The following PCDHA6 variants were observed in gnomAD, a reference collection of about 807,000 sequenced individuals.
The protein encoded by PCDHA6 is protocadherin alpha 6.
Under a neutral mutation model 60.3 loss-of-function variants are expected in PCDHA6, and 55 were observed. That is an observed-to-expected ratio of 0.91 (90% CI 0.73 to 1.14). The LOEUF (loss-of-function observed/expected upper bound fraction) is 1.14, where lower values mean the gene tolerates loss of function less well. PCDHA6 is among the 50% of genes most tolerant of loss of function. The pLI is 0.00. For synonymous variants in PCDHA6, 652 were observed against 557.9 expected, an observed-to-expected ratio of 1.17 and a Z score of -2.38; for missense variants, 1,327 against 1,256.5, an observed-to-expected ratio of 1.06 and a Z score of -0.85.
Position 140,856,846 on chromosome 5 carries a change from T to C in PCDHA6, c.2394+26361T>C. On this transcript the variant is annotated intron_variant, in intron 1 of 3. Coordinates refer to ENST00000529310, the MANE Select transcript of PCDHA6 (RefSeq NM_018909.4). Reference sequence around the variant, plus strand: ...CATTAGTAATACGGCTCAACGCTTCTGATTCGGATGAAGGAATAAACAAGG... The same window carrying C: ...CATTAGTAATACGGCTCAACGCTTCCGATTCGGATGAAGGAATAAACAAGG... 3.8e-6 allele frequency: 6 copies of C among 1,593,220 alleles called. 1 individual carries two copies. Among genetic ancestry groups the C allele is most frequent in the Non-Finnish European group, 5.2e-6 (6 of 1,163,214 alleles).
intron 1 of PCDHA6, among the ~76,000 whole-genome samples, chr5:140,936,995 A>G (rs2091251299): frequency 6.6e-6 from 1 of 151,864 alleles, no homozygotes; most frequent in Non-Finnish European, 1.5e-5. Flanking sequence ...CATTGACAAT[A>G]TTGAGACAGA....
chr5:140,873,995 G>A (rs1218409385), intron 1 of PCDHA6, among the ~76,000 whole-genome samples: 9 of 152,284 alleles, frequency 5.9e-5, no homozygotes, highest in African/African-American at 2.2e-4. Context: ...AGCATGTATG[G>A]TACATTGACC....
chr5:140,832,765 T>C (rs2150203921), intron 1 of PCDHA6, among the ~76,000 whole-genome samples: 1 of 152,268 alleles, frequency 6.6e-6, no homozygotes, highest in East Asian at 1.9e-4. Context: ...GCAAGAATAT[T>C]GTAAGAGGTG....
chr5:140,855,986 G>C (rs191873949), intron 1 of PCDHA6: 4 of 1,477,690 alleles, frequency 2.7e-6, no homozygotes, highest in Middle Eastern at 1.8e-4. Context: ...GACAGAAAAT[G>C]TCAGATCGTA....
intron 3 of PCDHA6, among the ~76,000 whole-genome samples, chr5:141,006,502 C>T (rs987435396): frequency 1.8e-4 from 28 of 152,118 alleles, no homozygotes; most frequent in African/African-American, 2.9e-4. Context: ...TGTGAGCCAC[C>T]GCGCCTGGCT....
At chr5:140,880,737 G>T (rs139077188) in intron 1 of PCDHA6, among the ~76,000 whole-genome samples, 1 of 152,304 alleles carries the variant, frequency 6.6e-6, no homozygotes, top group Non-Finnish European at 1.5e-5. Flanking sequence ...TAGAGAAAAT[G>T]GATTGTCAGT....
intron 1 of PCDHA6, among the ~76,000 whole-genome samples, chr5:140,961,550 CT>C (rs571779587): frequency 6.6e-6 from 1 of 152,032 alleles, no homozygotes; most frequent in Admixed American, 6.6e-5. Context: ...TGCAGCATTT[CT>C]TTTTTTAAAT....
At chr5:140,870,641 G>C in intron 1 of PCDHA6, 1 of 1,612,818 alleles carries the variant, frequency 6.2e-7, no homozygotes, top group South Asian at 1.1e-5. Context: ...CACGCGGAGA[G>C]CGGCAAGGTG....
At chr5:140,997,978 C>T (rs1205743045) in intron 3 of PCDHA6, among the ~76,000 whole-genome samples, 2 of 152,182 alleles carry the variant, frequency 1.3e-5, no homozygotes, top group African/African-American at 2.4e-5. Context: ...TTGGACTGCA[C>T]TTGTTACATA....
intron 1 of PCDHA6, among the ~76,000 whole-genome samples, chr5:140,889,199 T>C (rs1399579598): frequency 1.3e-5 from 2 of 151,896 alleles, no homozygotes; most frequent in African/African-American, 4.8e-5. Context: ...ATAACTTGAA[T>C]ACTTAACAAA....
Position 140,857,539 on chromosome 5 carries a change from G to A in PCDHA6, c.2394+27054G>A, listed in dbSNP as rs782469087. The A allele has an allele frequency of 1.3e-5, 20 of 1,597,384 alleles. 1 individual carries two copies. Among genetic ancestry groups the A allele is most frequent in the Non-Finnish European group, 1.7e-5 (20 of 1,167,720 alleles). ...TGTCCTACTCTCTGGTGGAGCGGCG[G>A]TTGGGCGAGCGCTCGCTGTCGAGCT... On this transcript the variant is annotated intron_variant, in intron 1 of 3. Coordinates refer to ENST00000529310, the MANE Select transcript of PCDHA6 (RefSeq NM_018909.4).
intron 1 of PCDHA6, among the ~76,000 whole-genome samples, chr5:140,972,660 ATTTTTTTT>A (rs11350929): frequency 6.0e-5 from 7 of 117,270 alleles, no homozygotes; most frequent in African/African-American, 2.0e-4. Flanking sequence ...AAGAAACCAA[ATTTTTTTT>A]TTTTTTTTTT....
chr5:140,842,467 C>T (rs1554139064), intron 1 of PCDHA6: 3 of 1,613,802 alleles, frequency 1.9e-6, no homozygotes, highest in East Asian at 2.2e-5. Context: ...CAGGTGCCAA[C>T]GGGCAGGTGA....
At chr5:140,969,293 C>A in intron 1 of PCDHA6, 1 of 1,614,186 alleles carries the variant, frequency 6.2e-7, no homozygotes, top group Non-Finnish European at 8.5e-7. Flanking sequence ...TGCTGGGAAC[C>A]TGATTATTCT....
chr5:140,927,601 G>C lies in PCDHA6; in HGVS notation c.2395-51348G>C, dbSNP rs1490799029. 27 of 1,614,082 alleles carry C rather than the reference G, an allele frequency of 1.7e-5. No individual in the cohort carries two copies. Among genetic ancestry groups the C allele is most frequent in the Non-Finnish European group, 2.3e-5 (27 of 1,180,040 alleles). Reference sequence around the variant, plus strand: ...CAACGCGCCTGTATTTGAGCGCTCCGTATACCGCACCAAGGTTCCAGAGAC... The same window carrying C: ...CAACGCGCCTGTATTTGAGCGCTCCCTATACCGCACCAAGGTTCCAGAGAC... On this transcript the variant is annotated intron_variant, in intron 1 of 3. Transcript: ENST00000529310.
At chr5:140,863,497 C>A in intron 1 of PCDHA6, 1 of 434,948 alleles carries the variant, frequency 2.3e-6, no homozygotes, top group South Asian at 1.8e-5. Context: ...AACATTACGG[C>A]TTTTAGTCCT....
chr5:140,994,142 G>A (rs550428204), intron 3 of PCDHA6, among the ~76,000 whole-genome samples: 21 of 152,298 alleles, frequency 1.4e-4, no homozygotes, highest in South Asian at 4.1e-4. Context: ...AATGCCCTAC[G>A]TAGGTAGGGT....
intron 1 of PCDHA6, chr5:140,876,994 G>C (rs375771604): frequency 3.7e-6 from 6 of 1,612,620 alleles, no homozygotes; most frequent in South Asian, 1.1e-5. Context: ...GTCGAGCTAC[G>C]TGTCGGTGCA....
At chr5:140,938,469 T>C (rs1172900934) in intron 1 of PCDHA6, among the ~76,000 whole-genome samples, 1 of 152,218 alleles carries the variant, frequency 6.6e-6, no homozygotes, top group South Asian at 2.1e-4. Flanking sequence ...TAATTTATTA[T>C]GTTTTTTAAA....
Sources: gnomAD v4.1 joint callset for allele counts (sites outside exome capture counted in the v4.1 genomes callset) on GRCh38, gnomAD v4.1.1 for gene constraint, MANE v1.5 for transcripts, NCBI Gene and HGNC (gene_info 2026-07-23, HGNC 2026-07-21) for gene names.